PACRG: variants seen among roughly 807,000 people sequenced by gnomAD.
PACRG encodes parkin coregulated, also known as parkin coregulated gene protein.
PACRG carries 29 observed loss-of-function variants against 29.7 expected under a neutral mutation model. The observed-to-expected ratio is 0.98, with a 90% CI of 0.73 to 1.33. The LOEUF (loss-of-function observed/expected upper bound fraction) is 1.33, where lower values mean the gene tolerates loss of function less well. Among genes scored for constraint, PACRG ranks in the 40% most tolerant of loss-of-function variants. The probability of loss-of-function intolerance (pLI) is 0.00; values close to 1 mark genes in which losing one functional copy is unlikely to be tolerated. For synonymous variants in PACRG, 116 were observed against 118.7 expected (o/e 0.98, Z 0.15); for missense variants, 279 against 316.2 (o/e 0.88, Z 0.89).
intron 4 of PACRG, among the ~76,000 whole-genome samples, chr6:163,153,782 C>A (rs1341659340): frequency 1.3e-5 from 2 of 152,158 alleles, no homozygotes; most frequent in East Asian, 1.9e-4. Context: ...TAAGTGAGAA[C>A]AGTACAACTC....
At chr6:163,000,654 G>A (rs891231462) in intron 2 of PACRG, among the ~76,000 whole-genome samples, 1 of 152,168 alleles carries the variant, frequency 6.6e-6, no homozygotes, top group South Asian at 2.1e-4. Flanking sequence ...GAGGACTGGG[G>A]ATGACACACA....
rs1319042112 is a variant in PACRG, at chr6:162,747,474, C to A, written c.156+19083C>A. On this transcript the variant is annotated intron_variant, in intron 1 of 4. Coordinates refer to ENST00000366888, the MANE Select transcript of PACRG (RefSeq NM_001080379.2). ...TATAACTATAAATATATATGTAAAA[C>A]TATATATATATATATATATTCCATT... is the stretch of plus-strand genomic sequence containing the variant. Among the ~76,000 whole-genome samples, 108 of 44,728 alleles carry A rather than the reference C, an allele frequency of 2.4e-3. 25 individuals are homozygous for A. Among genetic ancestry groups the A allele is most frequent in the African/African-American group, 3.8e-3 (47 of 12,354 alleles). The allele number at this position is 44,728 out of a possible 152,430, so 29.3% of individuals were successfully genotyped here.
chr6:163,206,922 C>T (rs997698441), intron 4 of PACRG, among the ~76,000 whole-genome samples: 1 of 152,108 alleles, frequency 6.6e-6, no homozygotes, highest in African/African-American at 2.4e-5. Flanking sequence ...TTTCCTTTTC[C>T]TCAATTCTGA....
chr6:162,896,598 T>C (rs1795185327), intron 2 of PACRG, among the ~76,000 whole-genome samples: 1 of 152,252 alleles, frequency 6.6e-6, no homozygotes. Flanking sequence ...AGGAAGGTTG[T>C]GTTCTCATCA....
chr6:162,748,695 C>T (rs976453659), intron 1 of PACRG, among the ~76,000 whole-genome samples: 2 of 152,074 alleles, frequency 1.3e-5, no homozygotes, highest in East Asian at 1.9e-4. Context: ...AATCCCTGAC[C>T]GCAGCCTACT....
At chr6:162,844,386 G>C (rs577695839) in intron 2 of PACRG, among the ~76,000 whole-genome samples, 1 of 152,214 alleles carries the variant, frequency 6.6e-6, no homozygotes, top group Non-Finnish European at 1.5e-5. Flanking sequence ...ACCCCTCTCT[G>C]ACTCCGAAGG....
chr6:162,973,362 G>A (rs139201451), intron 2 of PACRG, among the ~76,000 whole-genome samples: 103 of 152,300 alleles, frequency 6.8e-4, no homozygotes, highest in African/African-American at 2.2e-3. Flanking sequence ...AGTGTAATGC[G>A]ATCTTTCCAT....
At chr6:162,988,381 G>A (rs1472549069) in intron 2 of PACRG, among the ~76,000 whole-genome samples, 4 of 152,122 alleles carry the variant, frequency 2.6e-5, no homozygotes, top group Admixed American at 2.6e-4. Flanking sequence ...GTGAAAGCTG[G>A]GACGCTTGAG....
At chr6:163,133,069 T>C (rs1816799328) in intron 4 of PACRG, among the ~76,000 whole-genome samples, 1 of 152,198 alleles carries the variant, frequency 6.6e-6, no homozygotes, top group Non-Finnish European at 1.5e-5. Flanking sequence ...AGTTGATTTA[T>C]TTTTCAGGTT....
intron 1 of PACRG, among the ~76,000 whole-genome samples, chr6:162,805,636 C>G (rs1786256746): frequency 6.6e-6 from 1 of 152,180 alleles, no homozygotes. Flanking sequence ...AAATTGGAGT[C>G]AATCTTCTCA....
At chr6:163,295,895 T>G (rs1467812682) in intron 4 of PACRG, among the ~76,000 whole-genome samples, 1 of 152,194 alleles carries the variant, frequency 6.6e-6, no homozygotes, top group Non-Finnish European at 1.5e-5. Context: ...GCCTGATGCC[T>G]GACACCTTGC....
intron 2 of PACRG, among the ~76,000 whole-genome samples, chr6:162,905,841 A>G (rs982476428): frequency 1.3e-5 from 2 of 152,236 alleles, no homozygotes; most frequent in Admixed American, 6.5e-5. Flanking sequence ...AACCAGTCCA[A>G]TGGAGAGTGA....
chr6:163,268,533 G>A (rs1267033515), intron 4 of PACRG, among the ~76,000 whole-genome samples: 1 of 152,036 alleles, frequency 6.6e-6, no homozygotes, highest in Non-Finnish European at 1.5e-5. Context: ...CAACACTATA[G>A]TAGGAATATT....
At chr6:162,785,196 G>C (rs916201964) in intron 1 of PACRG, among the ~76,000 whole-genome samples, 3 of 151,258 alleles carry the variant, frequency 2.0e-5, no homozygotes, top group Non-Finnish European at 4.4e-5. Context: ...GAGAGAGAGA[G>C]AGAGAGGGAG....
chr6:163,102,882 G>GTTGT (rs546800986), intron 4 of PACRG, among the ~76,000 whole-genome samples: 3 of 152,074 alleles, frequency 2.0e-5, no homozygotes, highest in Non-Finnish European at 4.4e-5. Flanking sequence ...TTGTTTGTTT[G>GTTGT]TTGTTTGTTT....
chr6:163,101,942 G>A (rs1815115750), intron 4 of PACRG, among the ~76,000 whole-genome samples: 1 of 152,164 alleles, frequency 6.6e-6, no homozygotes, highest in African/African-American at 2.4e-5. Flanking sequence ...AAAAAAAGTT[G>A]AGTGCTTACT....
intron 1 of PACRG, among the ~76,000 whole-genome samples, chr6:162,769,168 G>T (rs1263142588): frequency 2.0e-5 from 3 of 152,092 alleles, no homozygotes; most frequent in Non-Finnish European, 4.4e-5. Flanking sequence ...GACTAAACTT[G>T]TAATCTGCAC....
At chr6:163,296,026 G>C (rs1467885400) in intron 4 of PACRG, among the ~76,000 whole-genome samples, 1 of 152,098 alleles carries the variant, frequency 6.6e-6, no homozygotes, top group African/African-American at 2.4e-5. Context: ...CTATAACCCA[G>C]AGCAGCAGGA....
intron 2 of PACRG, among the ~76,000 whole-genome samples, chr6:163,053,280 T>C (rs545584): frequency 0.4 from 60,996 of 152,030 alleles, 13,147 homozygotes; most frequent in East Asian, 0.69. Flanking sequence ...GCAGTCACAG[T>C]GTGACAGACA....
Sources: gnomAD v4.1 joint callset for allele counts (sites outside exome capture counted in the v4.1 genomes callset) on GRCh38, gnomAD v4.1.1 for gene constraint, MANE v1.5 for transcripts, NCBI Gene and HGNC (gene_info 2026-07-23, HGNC 2026-07-21) for gene names.